The following ZNF276 variants were observed in gnomAD, a reference collection of about 807,000 sequenced individuals.
The protein encoded by ZNF276 is zinc finger protein 276.
In ZNF276, 59 loss-of-function variants were observed where a neutral mutation model predicts 63.9. That is an observed-to-expected ratio of 0.92 (90% confidence interval 0.75 to 1.15). The LOEUF (loss-of-function observed/expected upper bound fraction) is 1.15, where lower values mean the gene tolerates loss of function less well. Among genes scored for constraint, ZNF276 ranks in the 50% most tolerant of loss-of-function variants. The pLI, the probability that ZNF276 is intolerant of heterozygous loss-of-function variation, is 0.00. For missense variants in ZNF276, 1,084 were observed against 843.8 expected, an observed-to-expected ratio of 1.28 and a Z score of -3.53; for synonymous variants, 496 against 348.4, an observed-to-expected ratio of 1.42 and a Z score of -4.72.
At chr16:89,730,102 C>T (rs1012951844) in intron 6 of ZNF276, among the ~76,000 whole-genome samples, 5 of 152,162 alleles carry the variant, frequency 3.3e-5, no homozygotes, top group Non-Finnish European at 7.3e-5. Context: ...GGCCTTTTTT[C>T]ATGGAAGTTC....
intron 9 of ZNF276, chr16:89,737,603 C>T (rs1001002219): frequency 7.4e-6 from 7 of 950,964 alleles, no homozygotes; most frequent in African/African-American, 1.7e-5. Flanking sequence ...ATGCACACAG[C>T]TGATGAAGCC....
chr16:89,738,876 C>T lies in ZNF276; in HGVS notation c.*630C>T, dbSNP rs374793201. On this transcript the variant is annotated 3_prime_UTR_variant, in exon 11 of 11. Transcript: ENST00000443381. ...ACATGGCCCAAGGTGGGCATCTTGACGTTACCTCTGCCACGTGTGAGAAGC... is the reference window on the plus strand; with the variant it reads ...ACATGGCCCAAGGTGGGCATCTTGATGTTACCTCTGCCACGTGTGAGAAGC... The T allele has an allele frequency of 1.9e-5, 31 of 1,614,126 alleles. No homozygotes were observed. In the East Asian group the frequency reaches 2.2e-4, roughly 12 times the overall value.
chr16:89,720,559 T>A, upstream of ZNF276: 1 of 1,182,756 alleles, frequency 8.5e-7, no homozygotes, highest in Non-Finnish European at 1.0e-6. Context: ...AAAGCCAAGG[T>A]CCGCAGGATC....
At position 89,728,843 on chromosome 16, in the gene ZNF276, G is replaced by A. The variant is rs922437444; in HGVS notation, c.1086-392G>A. On this transcript the variant is annotated intron_variant, in intron 5 of 10. Coordinates refer to ENST00000443381, the MANE Select transcript of ZNF276 (RefSeq NM_001113525.2). ...TTAGCCTCTGCACCCAGCCACTTTT[G>A]TGAACTTAGAAGTGACTCATGGCAA... Among the ~76,000 whole-genome samples, 6 of 152,226 alleles carry A rather than the reference G, an allele frequency of 3.9e-5. No individual in the cohort carries two copies. In the South Asian group the frequency reaches 1.0e-3, roughly 26 times the overall value.
At chr16:89,726,931 A>G (rs2061488365) in intron 4 of ZNF276, among the ~76,000 whole-genome samples, 1 of 152,222 alleles carries the variant, frequency 6.6e-6, no homozygotes. Context: ...GACATGAGCC[A>G]CCGTGCCTGG....
chr16:89,738,155 A>T lies in ZNF276; in HGVS notation c.1754A>T (p.Lys585Met), dbSNP rs747571578. The part of the protein sequence containing the change: ...MVHPLTQTQD[K>M]ALPLEAEPPP... Reference sequence around the variant, plus strand: ...CACCCGCTGACACAGACCCAGGACAAGGCCCTGCCCCTGGAGGCGGAACCA... The same window carrying T: ...CACCCGCTGACACAGACCCAGGACATGGCCCTGCCCCTGGAGGCGGAACCA... The change falls in exon 11 of 11, where the codon AAG (lysine) becomes ATG (methionine). Residue 585 changes from lysine (K) to methionine (M), a missense_variant. Physicochemically the swap from Lys to Met is moderately conservative, Grantham distance 95. Coordinates refer to ENST00000443381, the MANE Select transcript of ZNF276 (RefSeq NM_001113525.2). 8.5e-5 allele frequency: 137 copies of T among 1,613,352 alleles called. 1 individual carries two copies. In the Admixed American group the frequency reaches 1.0e-3, roughly 12 times the overall value.
chr16:89,729,333 C>A lies in ZNF276; in HGVS notation c.1169+15C>A. Reference sequence around the variant, plus strand: ...CCAGAAAGGAAGTAAGTGGGCAGCCCGGGGTCTGCTGGAGGCATCCGTTGG... The same window carrying A: ...CCAGAAAGGAAGTAAGTGGGCAGCCAGGGGTCTGCTGGAGGCATCCGTTGG... On this transcript the variant is annotated intron_variant, in intron 6 of 10. Coordinates refer to ENST00000443381, the MANE Select transcript of ZNF276 (RefSeq NM_001113525.2). The A allele has an allele frequency of 6.2e-7, 1 of 1,613,486 alleles. No individual in the cohort carries two copies. Among genetic ancestry groups the A allele is most frequent in the Non-Finnish European group, 8.5e-7 (1 of 1,179,574 alleles).
At chr16:89,732,629 C>T (rs1473857856) in intron 6 of ZNF276, 7 of 215,950 alleles carry the variant, frequency 3.2e-5, no homozygotes, top group African/African-American at 1.4e-4. Context: ...GTGCCCTCGC[C>T]CTCCGCTGTG....
intron 5 of ZNF276, 133 bp downstream of exon 5, chr16:89,727,490 G>A: frequency 9.5e-7 from 1 of 1,047,942 alleles, no homozygotes; most frequent in Admixed American, 2.4e-5. Context: ...AGCCATCGTA[G>A]GGTCGGCTGC....
In ZNF276 at chr16:89,733,309, G is replaced by A; in HGVS notation, c.1177G>A (p.Gly393Ser). 1 of 1,613,880 alleles carries A rather than the reference G, an allele frequency of 6.2e-7. No homozygotes were observed. The highest frequency in any genetic ancestry group is 2.2e-5 in the East Asian group (1 of 44,892). The stretch of plus-strand genomic sequence containing the variant: ...GGAACCTCTTTTTTTCAGAGTCTCT[G>A]GTAAGAAGAGTGAAAGCAAAGAAGC... ...FEPYPERKVSGKKSESKEAKK... is the reference protein window; with the variant it reads ...FEPYPERKVSSKKSESKEAKK... Residue 393 changes from glycine to serine, a missense_variant, in exon 7 of 11, where the codon GGT becomes AGT. Transcript: ENST00000443381.
At chr16:89,720,511 GC>G (rs2061229800), upstream of ZNF276, 17 of 1,144,556 alleles carry the variant, frequency 1.5e-5, no homozygotes, top group Non-Finnish European at 1.7e-5. Context: ...TACAGGTGGA[GC>G]CCAGGCTGTG....
At chr16:89,720,724 C>T (rs2061239803), upstream of ZNF276, 9 of 1,415,032 alleles carry the variant, frequency 6.4e-6, no homozygotes, top group Non-Finnish European at 8.3e-6. Context: ...CTCCAGGGGC[C>T]ACCCTCAGCG....
rs201817705 is a variant in ZNF276, at chr16:89,738,284, C to T, written c.*38C>T. 796 of 1,554,392 alleles carry T rather than the reference C, an allele frequency of 5.1e-4. No homozygotes were observed. The highest frequency in any genetic ancestry group is 6.1e-4 in the Non-Finnish European group (706 of 1,151,346). On this transcript the variant is annotated 3_prime_UTR_variant, in exon 11 of 11. Coordinates refer to ENST00000443381, the MANE Select transcript of ZNF276 (RefSeq NM_001113525.2). ...GGATGAGCACCTCTAGCAGCCTGGA[C>T]TCCGCAGTGGCTGTGTCAGCCTCAC...
Position 89,738,546 on chromosome 16 carries a change from G to C in ZNF276, c.*300G>C. 6.2e-7 allele frequency: 1 copy of C among 1,609,930 alleles called. No homozygotes were observed. Among genetic ancestry groups the C allele is most frequent in the East Asian group, 2.2e-5 (1 of 44,872 alleles). ...TAGTGCAACAAGAGCTCCATGTTAT[G>C]CTTGTAATAAATTATTTACACGGGA... is the stretch of plus-strand genomic sequence containing the variant. On this transcript the variant is annotated 3_prime_UTR_variant, in exon 11 of 11. Coordinates refer to ENST00000443381, the MANE Select transcript of ZNF276 (RefSeq NM_001113525.2).
At chr16:89,721,253 C>T (rs2061260007), upstream of ZNF276, 1 of 229,184 alleles carries the variant, frequency 4.4e-6, no homozygotes, top group East Asian at 8.9e-5. Flanking sequence ...GGCGCCTGCC[C>T]GCCCCGCGCC....
At position 89,729,222 on chromosome 16, in the gene ZNF276, T is replaced by A. The variant is rs747974939; in HGVS notation, c.1086-13T>A. 1 of 1,613,586 alleles carries A rather than the reference T, an allele frequency of 6.2e-7. No homozygotes were observed. Among genetic ancestry groups the A allele is most frequent in the Non-Finnish European group, 8.5e-7 (1 of 1,179,532 alleles). ...GCCCAGGGCTTTGCTGAAGATTCTC[T>A]CTTAATTCCTAGAGACGTCTTGAGT... On this transcript the variant is annotated splice_polypyrimidine_tract_variant and intron_variant, in intron 5 of 10. Transcript: ENST00000443381.
rs756798736 is a variant in ZNF276, at chr16:89,738,771, G to A, written c.*525G>A. 2.5e-6 allele frequency: 4 copies of A among 1,612,394 alleles called. No homozygotes were observed. Among genetic ancestry groups the A allele is most frequent in the South Asian group, 1.1e-5 (1 of 90,940 alleles). The stretch of plus-strand genomic sequence containing the variant: ...ACTAGGCCTCAGACCACAGGGGAGG[G>A]GCTCTGGCAGAAATAGTCGAGTTGT... On this transcript the variant is annotated 3_prime_UTR_variant, in exon 11 of 11. Coordinates refer to ENST00000443381, the MANE Select transcript of ZNF276 (RefSeq NM_001113525.2).
chr16:89,737,561 C>A, intron 9 of ZNF276: 1 of 588,628 alleles, frequency 1.7e-6, no homozygotes, highest in Non-Finnish European at 2.8e-6. Flanking sequence ...AAGGAAATAG[C>A]TTTCTGAGGT....
rs4785592 is a variant in ZNF276 at position 89,731,107 on chromosome 16, G to A, written c.1169+1789G>A. 2.6e-5 allele frequency among the ~76,000 whole-genome samples: 4 copies of A among 151,776 alleles called. No homozygotes were observed. The East Asian group carries it at 7.8e-4, about 29-fold the overall frequency. On this transcript the variant is annotated intron_variant, in intron 6 of 10. Transcript: ENST00000443381. ...GAGGTGAGTGGTCATTGTGGGAACG[G>A]CATGGCCAGCCACTCACAAACAAGG...
Sources: gnomAD v4.1 joint callset for allele counts (sites outside exome capture counted in the v4.1 genomes callset) on GRCh38, gnomAD v4.1.1 for gene constraint, MANE v1.5 for transcripts, NCBI Gene and HGNC (gene_info 2026-07-23, HGNC 2026-07-21) for gene names.